The following CUX1 variants were observed in gnomAD, a reference collection of about 807,000 sequenced individuals.
CUX1 encodes the protein protein CASP.
A neutral mutation model predicts 158.8 loss-of-function variants in CUX1; 31 were observed. The observed-to-expected ratio is 0.20, with a 90% CI of 0.15 to 0.26. The LOEUF (loss-of-function observed/expected upper bound fraction) is 0.26, where lower values mean the gene tolerates loss of function less well. Ranked by LOEUF, CUX1 falls within the 10% of genes least tolerant of loss-of-function variation. The pLI is 1.00. For synonymous variants in CUX1, 879 were observed against 862.1 expected (o/e 1.02, Z -0.34); for missense variants, 1,589 against 2,014.6 (o/e 0.79, Z 4.04).
intron 1 of CUX1, among the ~76,000 whole-genome samples, chr7:101,878,432 G>A (rs1031448973): frequency 6.6e-6 from 1 of 152,190 alleles, no homozygotes; most frequent in Non-Finnish European, 1.5e-5. Flanking sequence ...AGTCATTGCC[G>A]CTAAGGCTGG....
At chr7:102,025,680 G>T (rs1430362583) in intron 2 of CUX1, among the ~76,000 whole-genome samples, 2 of 152,020 alleles carry the variant, frequency 1.3e-5, no homozygotes, top group African/African-American at 4.8e-5. Context: ...TTGTCCTGGA[G>T]CCTGGTGTAA....
intron 1 of CUX1, among the ~76,000 whole-genome samples, chr7:101,858,052 G>A (rs1429479196): frequency 1.3e-5 from 2 of 152,210 alleles, no homozygotes; most frequent in East Asian, 3.9e-4. Context: ...GAACCCAGGA[G>A]GCGGAGGTTA....
At chr7:101,993,706 G>C (rs1815445739) in intron 2 of CUX1, among the ~76,000 whole-genome samples, 2 of 152,218 alleles carry the variant, frequency 1.3e-5, no homozygotes, top group South Asian at 4.1e-4. Flanking sequence ...AAGTTGGACA[G>C]GGCTGCCTTT....
At chr7:101,886,307 C>T (rs1800221774) in intron 1 of CUX1, among the ~76,000 whole-genome samples, 1 of 152,142 alleles carries the variant, frequency 6.6e-6, no homozygotes, top group African/African-American at 2.4e-5. Flanking sequence ...GATCTTCCTA[C>T]CCCAGCCTCC....
intron 2 of CUX1, chr7:101,961,941 GC>G (rs1398574081): frequency 6.7e-6 from 1 of 149,870 alleles, no homozygotes; most frequent in Non-Finnish European, 1.5e-5. Flanking sequence ...CAAAAAGAAA[GC>G]AACTTAGGAA....
intron 15 of CUX1, among the ~76,000 whole-genome samples, chr7:102,197,534 T>G (rs2131988783): frequency 6.6e-6 from 1 of 152,294 alleles, no homozygotes; most frequent in Middle Eastern, 3.4e-3. Flanking sequence ...ACTCCATACT[T>G]AGGAAACCCT....
intron 2 of CUX1, among the ~76,000 whole-genome samples, chr7:101,926,145 G>A (rs1489931841): frequency 6.6e-6 from 1 of 152,100 alleles, no homozygotes; most frequent in African/African-American, 2.4e-5. Flanking sequence ...CCAGGATTTG[G>A]CAAAATGAGA....
chr7:102,211,641 CG>C (rs1796536113), intron 20 of CUX1, among the ~76,000 whole-genome samples: 1 of 151,804 alleles, frequency 6.6e-6, no homozygotes, highest in African/African-American at 2.4e-5. Flanking sequence ...ATTAGCCAGG[CG>C]TGGTGGTGCA....
intron 1 of CUX1, among the ~76,000 whole-genome samples, chr7:101,874,916 C>G (rs972675185): frequency 2.6e-5 from 4 of 152,190 alleles, no homozygotes; most frequent in African/African-American, 9.7e-5. Context: ...GGCCGCCTGT[C>G]CCAGAGCATC....
intron 3 of CUX1, among the ~76,000 whole-genome samples, chr7:102,052,088 G>A (rs962156721): frequency 6.6e-6 from 1 of 152,094 alleles, no homozygotes. Flanking sequence ...AAGCGTGGTG[G>A]TGGGCGCCTG....
At chr7:101,992,376 A>G (rs1006690371) in intron 2 of CUX1, among the ~76,000 whole-genome samples, 6 of 152,216 alleles carry the variant, frequency 3.9e-5, no homozygotes, top group African/African-American at 1.4e-4. Context: ...AAAGGTTGAA[A>G]GTGGCCAACT....
intron 2 of CUX1, among the ~76,000 whole-genome samples, chr7:102,024,147 C>T (rs1200146527): frequency 6.6e-6 from 1 of 152,254 alleles, no homozygotes; most frequent in Non-Finnish European, 1.5e-5. Flanking sequence ...TGCTAAGGCA[C>T]ACTGCCATTC....
intron 1 of CUX1, among the ~76,000 whole-genome samples, chr7:101,893,819 A>G (rs1465718090): frequency 6.6e-6 from 1 of 152,272 alleles, no homozygotes; most frequent in Non-Finnish European, 1.5e-5. Flanking sequence ...ATAATTTGCC[A>G]TAAAAATTTA....
chr7:102,167,780 A>T (rs1481766409), intron 9 of CUX1, among the ~76,000 whole-genome samples: 1 of 152,140 alleles, frequency 6.6e-6, no homozygotes, highest in Non-Finnish European at 1.5e-5. Context: ...ATTTTTCTGT[A>T]GTCTTAATAG....
chr7:101,828,593 C>A (rs1323231536), intron 1 of CUX1, among the ~76,000 whole-genome samples: 1 of 152,168 alleles, frequency 6.6e-6, no homozygotes, highest in Non-Finnish European at 1.5e-5. Flanking sequence ...GTGTCAGCAT[C>A]GGAGGAATGT....
chr7:102,050,426 T>A (rs1823354954), intron 3 of CUX1, among the ~76,000 whole-genome samples: 1 of 152,144 alleles, frequency 6.6e-6, no homozygotes, highest in African/African-American at 2.4e-5. Flanking sequence ...CTCTGTCCCA[T>A]CCACACTCCA....
upstream of CUX1, among the ~76,000 whole-genome samples, chr7:101,816,294 A>C (rs1288218888): frequency 2.1e-5 from 3 of 143,594 alleles, no homozygotes; most frequent in Non-Finnish European, 4.6e-5. Context: ...CTTGATCGGA[A>C]ATTGATCCTC....
intron 3 of CUX1, among the ~76,000 whole-genome samples, chr7:102,070,115 G>T (rs766285616): frequency 6.6e-6 from 1 of 152,168 alleles, no homozygotes; most frequent in Non-Finnish European, 1.5e-5. Context: ...GTTCCCTGCT[G>T]TATAGTGAAT....
intron 20 of CUX1, among the ~76,000 whole-genome samples, chr7:102,208,790 C>G: frequency 6.6e-6 from 1 of 152,216 alleles, no homozygotes; most frequent in East Asian, 1.9e-4. Context: ...GATGCTCCCT[C>G]CATTGCTTGC....
Sources: gnomAD v4.1 joint callset for allele counts (sites outside exome capture counted in the v4.1 genomes callset) on GRCh38, gnomAD v4.1.1 for gene constraint, MANE v1.5 for transcripts, NCBI Gene and HGNC (gene_info 2026-07-23, HGNC 2026-07-21) for gene names.